CLCC1: variants seen among roughly 807,000 people sequenced by gnomAD.
CLCC1 encodes chloride channel CLIC-like protein 1.
In CLCC1, 39 loss-of-function variants were observed where a neutral mutation model predicts 63.3. That is an observed-to-expected ratio of 0.62 (90% CI 0.48 to 0.81). The LOEUF is 0.81. Among genes scored for constraint, CLCC1 ranks in the 30% least tolerant of loss-of-function variants. The probability of loss-of-function intolerance (pLI) is 0.00; values close to 1 mark genes in which losing one functional copy is unlikely to be tolerated. For missense variants in CLCC1, 549 were observed against 669.4 expected (o/e 0.82, Z 1.98); for synonymous variants, 217 against 239.8 (o/e 0.90, Z 0.88).
intron 2 of CLCC1, among the ~76,000 whole-genome samples, chr1:108,958,808 A>G (rs1158012482): frequency 6.6e-6 from 1 of 151,192 alleles, no homozygotes; most frequent in Non-Finnish European, 1.5e-5. Flanking sequence ...TAAACCCGGG[A>G]GGCGGAGGTT....
chr1:108,957,751 G>C (rs768918401), intron 2 of CLCC1, among the ~76,000 whole-genome samples: 1 of 151,390 alleles, frequency 6.6e-6, no homozygotes, highest in Non-Finnish European at 1.5e-5. Context: ...TAAATCTGAA[G>C]TGTCCACTGA....
intron 2 of CLCC1, among the ~76,000 whole-genome samples, chr1:108,951,296 C>T (rs1033775063): frequency 3.3e-5 from 5 of 152,134 alleles, no homozygotes; most frequent in African/African-American, 4.8e-5. Context: ...GCAGGTGGAT[C>T]GCTTGAGCCT....
chr1:108,954,851 T>A lies in CLCC1; in HGVS notation c.-11-4403A>T, dbSNP rs1057150633. Among the ~76,000 whole-genome samples, 11 of 145,734 alleles carry A rather than the reference T, an allele frequency of 7.5e-5. 2 individuals carry two copies. Among genetic ancestry groups the A allele is most frequent in the African/African-American group, 2.1e-4 (8 of 38,032 alleles). On this transcript the variant is annotated intron_variant, in intron 2 of 12. Transcript: ENST00000369969. Reference sequence around the variant, plus strand: ...GTGTGTGTGTGTGTGTGTGTGTGTGTGACGGAGTTTCGCTCTTGTCGCCCA... The same window carrying A: ...GTGTGTGTGTGTGTGTGTGTGTGTGAGACGGAGTTTCGCTCTTGTCGCCCA...
chr1:108,949,677 T>C lies in CLCC1; in HGVS notation c.231+143A>G, dbSNP rs920090208. On this transcript the variant is annotated intron_variant, in intron 4 of 12. Coordinates refer to ENST00000369969, the MANE Select transcript of CLCC1 (RefSeq NM_001377458.1). ...AGAATAACTAATAAGAAACCAAGGT[T>C]AGAGTATCCAAAGAAAAATTTGACA... 1.0e-5 allele frequency: 5 copies of C among 497,376 alleles called. No homozygotes were observed. In the Admixed American group the frequency reaches 1.6e-4, roughly 16 times the overall value. The allele number at this position is 497,376 out of a possible 1,614,324, so 30.8% of individuals were successfully genotyped here. A position where few individuals can be genotyped will look rare whatever the true frequency, so the allele number is the denominator to read the frequency against.
At position 108,932,268 on chromosome 1, in the gene CLCC1, T is replaced by C. The variant is rs1263142864; in HGVS notation, c.*279A>G. On this transcript the variant is annotated 3_prime_UTR_variant, in exon 13 of 13. Transcript: ENST00000369969. ...CAGCCTGGGTGACAGAGCAAAACTC[T>C]CAAAAAAAAGTAAAATTTCAAAAAA... 6.6e-6 allele frequency: 1 copy of C among 151,998 alleles called. No individual in the cohort carries two copies. The highest frequency in any genetic ancestry group is 1.5e-5 in the Non-Finnish European group (1 of 67,998). The allele number at this position is 151,998 out of a possible 1,614,324, so 9.4% of individuals were successfully genotyped here. A position where few individuals can be genotyped will look rare whatever the true frequency, so the allele number is the denominator to read the frequency against.
In CLCC1 at chr1:108,947,826, T is replaced by G. The variant is rs1654739717; in HGVS notation, c.232-108A>C. Reference sequence around the variant, plus strand: ...GAATCAAGGTAAGGAGCTAGTTGTTTTGATCAAGTTTGCATTTATCAGCTA... The same window carrying G: ...GAATCAAGGTAAGGAGCTAGTTGTTGTGATCAAGTTTGCATTTATCAGCTA... On this transcript the variant is annotated intron_variant, in intron 4 of 12. Transcript: ENST00000369969. The G allele has an allele frequency of 5.6e-6, 4 of 717,218 alleles. No homozygotes were observed. The African/African-American group carries it at 7.2e-5, about 13-fold the overall frequency. 44.4% of individuals were successfully genotyped at this position (717,218 alleles called of 1,614,324 possible). A position where few individuals can be genotyped will look rare whatever the true frequency, so the allele number is the denominator to read the frequency against.
At position 108,931,664 on chromosome 1, in the gene CLCC1, T is replaced by A. The variant is rs1651999034; in HGVS notation, c.*883A>T. 1.2e-6 allele frequency: 1 copy of A among 867,738 alleles called. No individual in the cohort carries two copies. Among genetic ancestry groups the A allele is most frequent in the African/African-American group, 1.7e-5 (1 of 57,852 alleles). 53.8% of individuals were successfully genotyped at this position (867,738 alleles called of 1,614,324 possible). A position where few individuals can be genotyped will look rare whatever the true frequency, so the allele number is the denominator to read the frequency against. ...AAAAAGTTCTAAATTACAACCTGGA[T>A]TACATTATGTTTCATGTATACTATA... On this transcript the variant is annotated 3_prime_UTR_variant, in exon 13 of 13. Coordinates refer to ENST00000369969, the MANE Select transcript of CLCC1 (RefSeq NM_001377458.1).
intron 2 of CLCC1, among the ~76,000 whole-genome samples, chr1:108,952,800 T>TA (rs374960900): frequency 0.042 from 5,773 of 138,494 alleles, 133 homozygotes; most frequent in Middle Eastern, 0.087. Flanking sequence ...ACTCTGCCTT[T>TA]AAAAAAAAAA....
chr1:108,931,348 GTAAC>G lies in CLCC1; in HGVS notation c.*1195_*1198del, dbSNP rs139385729. 4,577 of 1,550,828 alleles carry G rather than the reference GTAAC, an allele frequency of 3.0e-3. 56 individuals are homozygous for G. The African/African-American group carries it at 0.039, about 13-fold the overall frequency. ...CAGTTTACAAGGGGATGATAACAAA[GTAAC>G]TAACTAACTGTAGCAAAAGACAAGT... is the stretch of plus-strand genomic sequence containing the variant. On this transcript the variant is annotated 3_prime_UTR_variant, in exon 13 of 13. Transcript: ENST00000369969.
chr1:108,954,085 G>A (rs985069838), intron 2 of CLCC1, among the ~76,000 whole-genome samples: 2 of 150,948 alleles, frequency 1.3e-5, no homozygotes, highest in African/African-American at 5.0e-5. Context: ...GGGAATCCGA[G>A]GTATGGGTAA....
intron 2 of CLCC1, among the ~76,000 whole-genome samples, chr1:108,956,207 C>T (rs949581589): frequency 2.0e-5 from 3 of 151,326 alleles, no homozygotes; most frequent in Non-Finnish European, 4.4e-5. Flanking sequence ...TATCAATGGC[C>T]AGCCATGTGG....
intron 10 of CLCC1, 139 bp from the exon 11 acceptor site, chr1:108,937,557 G>T (rs1184201164): frequency 6.7e-6 from 5 of 742,414 alleles, no homozygotes; most frequent in Non-Finnish European, 1.0e-5. Context: ...ATGTTAATTT[G>T]ACTTTTTTTC....
chr1:108,933,609 A>ATAAC (rs1346808565), intron 12 of CLCC1: 5 of 152,286 alleles, frequency 3.3e-5, no homozygotes, highest in Non-Finnish European at 7.3e-5. Flanking sequence ...GCAGTTGAAC[A>ATAAC]TAACTTGTAG....
intron 7 of CLCC1, 39 bp downstream of exon 7, chr1:108,943,436 A>C (rs754348182): frequency 2.5e-6 from 4 of 1,586,366 alleles, no homozygotes; most frequent in Non-Finnish European, 3.5e-6. Context: ...ATTGTGAATA[A>C]ATGTGTTAAA....
At chr1:108,945,970 C>CT (rs1273666587) in intron 5 of CLCC1, among the ~76,000 whole-genome samples, 20 of 152,160 alleles carry the variant, frequency 1.3e-4, no homozygotes, top group African/African-American at 4.8e-4. Context: ...TGAGACCAGC[C>CT]TGGCTAACAT....
intron 7 of CLCC1, 60 bp downstream of exon 7, chr1:108,943,415 A>G (rs1654106195): frequency 3.2e-6 from 5 of 1,544,130 alleles, no homozygotes; most frequent in Non-Finnish European, 4.5e-6. Context: ...AATGGATTAG[A>G]GTCTTCTTTC....
At position 108,939,807 on chromosome 1, in the gene CLCC1, AT is replaced by A. The variant is rs749808437; in HGVS notation, c.895-26del. On this transcript the variant is annotated intron_variant, in intron 9 of 12. Transcript: ENST00000369969. ...CCTAAAACGAGAGAAAAGCAACTTA[AT>A]TTTCTCCTCACAGGACTAAGGTACA... 4 of 1,609,514 alleles carry A rather than the reference AT, an allele frequency of 2.5e-6. No individual in the cohort carries two copies. The Admixed American group carries it at 6.7e-5, about 27-fold the overall frequency.
Position 108,937,319 on chromosome 1 carries a change from G to A in CLCC1, c.1141C>T (p.Arg381Trp), listed in dbSNP as rs747968236. The A allele has an allele frequency of 9.3e-6, 15 of 1,614,026 alleles. No individual in the cohort carries two copies. The highest frequency in any genetic ancestry group is 2.2e-5 in the East Asian group (1 of 44,892). The change falls in exon 11 of 13, where the codon CGG becomes TGG. Residue 381 changes from arginine to tryptophan, a missense_variant. Transcript: ENST00000369969. ...PQALRPRDRRRQEEIDYRPDG... is the reference protein window; with the variant it reads ...PQALRPRDRRWQEEIDYRPDG... ...GGTCTATAATCAATTTCCTCCTGCC[G>A]TCTTCTATCCCGTGGCCGAAGTGCC...
intron 10 of CLCC1, among the ~76,000 whole-genome samples, chr1:108,938,473 G>A (rs781402550): frequency 7.9e-5 from 12 of 152,094 alleles, no homozygotes; most frequent in Admixed American, 6.5e-4. Flanking sequence ...AAAAAGAAAC[G>A]ATTTCAAAGT....
Sources: allele counts gnomAD v4.1 joint callset (sites outside exome capture counted in the v4.1 genomes callset), GRCh38; gene constraint gnomAD v4.1.1; transcripts MANE v1.5; gene names NCBI Gene and HGNC (gene_info 2026-07-23, HGNC 2026-07-21).